NECAB3: variants seen among roughly 807,000 people sequenced by gnomAD.
The protein encoded by NECAB3 is N-terminal EF-hand calcium binding protein 3, also known as N-terminal EF-hand calcium-binding protein 3.
A neutral mutation model predicts 57.2 loss-of-function variants in NECAB3; 38 were observed. The ratio of observed to expected loss-of-function variants is 0.66; its 90% CI spans 0.51 to 0.87. The LOEUF (loss-of-function observed/expected upper bound fraction) is 0.87, where lower values mean the gene tolerates loss of function less well. Among genes scored for constraint, NECAB3 ranks in the 40% least tolerant of loss-of-function variants. The pLI is 0.00. For missense variants in NECAB3, 474 were observed against 527.5 expected (o/e 0.90, Z 0.99); for synonymous variants, 223 against 222.6 (o/e 1.00, Z -0.02).
intron 1 of NECAB3, 95 bp from the exon 2 acceptor site, chr20:33,672,517 C>A: frequency 1.4e-6 from 2 of 1,469,542 alleles, no homozygotes; most frequent in Admixed American, 1.7e-5. Context: ...GGCCGACCTA[C>A]CCCCTGCCTC....
intron 5 of NECAB3, chr20:33,663,626 C>T (rs755118770): frequency 1.9e-6 from 3 of 1,608,952 alleles, no homozygotes; most frequent in South Asian, 2.2e-5. Flanking sequence ...GGGCTGGGCT[C>T]CCCGGCGGCA....
intron 8 of NECAB3, 29 bp downstream of exon 8, chr20:33,659,468 C>T: frequency 6.9e-7 from 1 of 1,443,006 alleles, no homozygotes. Context: ...ACACGGCCAT[C>T]CAGCCGCTTG....
chr20:33,663,783 G>A, intron 5 of NECAB3: 1 of 1,431,654 alleles, frequency 7.0e-7, no homozygotes, highest in Non-Finnish European at 9.1e-7. Context: ...CGCGCTTCCG[G>A]TCCCCGGGGA....
chr20:33,670,327 G>A, intron 3 of NECAB3: 1 of 230,180 alleles, frequency 4.3e-6, no homozygotes, highest in Non-Finnish European at 8.5e-6. Context: ...GCGTAGATGT[G>A]GGAGCACACA....
chr20:33,669,187 G>T, intron 5 of NECAB3, 188 bp downstream of exon 5: 1 of 601,448 alleles, frequency 1.7e-6, no homozygotes, highest in Non-Finnish European at 3.0e-6. Context: ...CAGCTCTATT[G>T]TTATGATGGT....
chr20:33,662,045 G>T, intron 5 of NECAB3: 2 of 288,538 alleles, frequency 6.9e-6, no homozygotes, highest in Non-Finnish European at 6.6e-6. Context: ...CTGGGCTAAG[G>T]TCACATAGCA....
At chr20:33,667,836 C>T (rs770918179) in intron 5 of NECAB3, 9 of 1,610,854 alleles carry the variant, frequency 5.6e-6, no homozygotes, top group African/African-American at 5.3e-5. Flanking sequence ...ACGGGTGCTG[C>T]GTCTGCCTCA....
chr20:33,674,106 G>A, intron 1 of NECAB3, 118 bp downstream of exon 1: 1 of 1,072,916 alleles, frequency 9.3e-7, no homozygotes, highest in Non-Finnish European at 1.2e-6. Context: ...GAAAACAGCA[G>A]GGCCAGAGAG....
intron 5 of NECAB3, chr20:33,667,622 C>T: frequency 6.3e-7 from 1 of 1,599,878 alleles, no homozygotes; most frequent in Non-Finnish European, 8.5e-7. Flanking sequence ...CACCAGGCCA[C>T]CTTCCGACTG....
rs772003976 is a variant in NECAB3 at position 33,659,575 on chromosome 20, G to T, written c.801C>A (p.Pro267=). The T allele has an allele frequency of 6.3e-7, 1 of 1,593,364 alleles. No individual in the cohort carries two copies. The highest frequency in any genetic ancestry group is 2.3e-5 in the East Asian group (1 of 43,908). The change falls in exon 8 of 12, where the codon CCC becomes CCA. Residue 267 remains proline (P), a synonymous_variant. Coordinates refer to ENST00000246190, the MANE Select transcript of NECAB3 (RefSeq NM_031232.4). ...CCTGTGAGGGCACAGAGTGTGGGCCGGGCCTCCAGCATGGGCCTGGCTCTG... is the reference window on the plus strand; with the variant it reads ...CCTGTGAGGGCACAGAGTGTGGGCCTGGCCTCCAGCATGGGCCTGGCTCTG... ...YPPEPGPCWR[P]GPHSVPSQAP...
intron 5 of NECAB3, chr20:33,668,648 A>G (rs1213969336): frequency 5.9e-6 from 1 of 168,832 alleles, no homozygotes; most frequent in Non-Finnish European, 1.3e-5. Flanking sequence ...CAGGAGGAGG[A>G]GCCCTGTGCC....
chr20:33,659,696 TG>T lies in NECAB3; in HGVS notation c.679del (p.Gln227ArgfsTer2). The T allele has an allele frequency of 6.2e-7, 1 of 1,605,514 alleles. No homozygotes were observed. Among genetic ancestry groups the T allele is most frequent in the Non-Finnish European group, 8.5e-7 (1 of 1,177,844 alleles). On this transcript the variant is annotated frameshift_variant, in exon 8 of 12. Transcript: ENST00000246190. LOFTEE classifies it high-confidence loss of function. The part of the protein sequence containing the change: ...SSEAEMQWRL[Q>X]VNRLQELIDQ... ...GATGAGCTCCTGGAGGCGGTTCACCTGGAGCCGCCACTGCATCTCGGCCTCT... is the reference window on the plus strand; with the variant it reads ...GATGAGCTCCTGGAGGCGGTTCACCTGAGCCGCCACTGCATCTCGGCCTCT...
chr20:33,669,727 G>A lies in NECAB3; in HGVS notation c.264-15C>T, dbSNP rs200573425. 23 of 1,588,686 alleles carry A rather than the reference G, an allele frequency of 1.4e-5. No homozygotes were observed. The highest frequency in any genetic ancestry group is 1.9e-5 in the Non-Finnish European group (22 of 1,167,296). ...TTTCTAAATTGCTGCAGGGAAAAGA[G>A]AAGGCGCCCTTCAGACCTGGGCCTG... On this transcript the variant is annotated splice_polypyrimidine_tract_variant and intron_variant, in intron 3 of 11. Transcript: ENST00000246190.
At chr20:33,674,968 A>T (rs2017926144), upstream of NECAB3, 2 of 152,046 alleles carry the variant, frequency 1.3e-5, no homozygotes, top group Non-Finnish European at 2.9e-5. Context: ...TTAAGATGCG[A>T]AAGAGGAGGT....
intron 2 of NECAB3, 130 bp from the exon 3 acceptor site, chr20:33,670,922 C>T (rs2017816573): frequency 1.6e-6 from 1 of 639,286 alleles, no homozygotes; most frequent in African/African-American, 1.8e-5. Flanking sequence ...AGATGGGAGT[C>T]TGAGGTCAGT....
chr20:33,659,394 T>C (rs924553204), intron 8 of NECAB3, 103 bp downstream of exon 8: 2 of 1,029,528 alleles, frequency 1.9e-6, no homozygotes, highest in African/African-American at 1.6e-5. Context: ...GCGGGGCACA[T>C]GCGCACTGCA....
In NECAB3 at chr20:33,667,999, G is replaced by A. The variant is rs780154610; in HGVS notation, c.387+1376C>T. 11 of 1,542,554 alleles carry A rather than the reference G, an allele frequency of 7.1e-6. No individual in the cohort carries two copies. The South Asian group carries it at 1.2e-4, about 17-fold the overall frequency. On this transcript the variant is annotated intron_variant, in intron 5 of 11. Transcript: ENST00000246190. ...GGCAGACACCGTGGTGCTAGCCGGC[G>A]GCTCCACACTGTTTCCTGGCTTCGC...
intron 1 of NECAB3, among the ~76,000 whole-genome samples, chr20:33,672,650 C>T (rs2017852345): frequency 6.6e-6 from 1 of 152,216 alleles, no homozygotes. Context: ...ACTTCTCCTG[C>T]AGGGCCTGGC....
At chr20:33,672,142 C>A (rs1263096206) in intron 2 of NECAB3, 3 of 563,940 alleles carry the variant, frequency 5.3e-6, no homozygotes, top group Non-Finnish European at 9.6e-6. Context: ...GTGCCCATCA[C>A]CATGCCAGGG....
Sources: allele counts gnomAD v4.1 joint callset (sites outside exome capture counted in the v4.1 genomes callset), GRCh38; gene constraint gnomAD v4.1.1; transcripts MANE v1.5; gene names NCBI Gene and HGNC (gene_info 2026-07-23, HGNC 2026-07-21).